ABCC4: variants seen among roughly 807,000 people sequenced by gnomAD.
ABCC4 encodes the protein ATP-binding cassette sub-family C member 4.
A neutral mutation model predicts 168.5 loss-of-function variants in ABCC4; 102 were observed. The ratio of observed to expected loss-of-function variants is 0.61; its 90% confidence interval spans 0.52 to 0.71. The LOEUF (loss-of-function observed/expected upper bound fraction) is 0.71, where lower values mean the gene tolerates loss of function less well. Among genes scored for constraint, ABCC4 ranks in the 30% least tolerant of loss-of-function variants. The probability of loss-of-function intolerance (pLI) is 0.00; values close to 1 mark genes in which losing one functional copy is unlikely to be tolerated. For synonymous variants in ABCC4, 617 were observed against 590.7 expected, an observed-to-expected ratio of 1.04 and a Z score of -0.65; for missense variants, 1,402 against 1,605.8, an observed-to-expected ratio of 0.87 and a Z score of 2.17.
intron 26 of ABCC4, among the ~76,000 whole-genome samples, chr13:95,061,661 TAG>T (rs1233461408): frequency 2.7e-5 from 3 of 112,116 alleles, no homozygotes; most frequent in East Asian, 2.7e-4. Flanking sequence ...TCAATGACTA[TAG>T]AGTGTTAAAA....
At chr13:95,077,855 G>C (rs1480176910) in intron 21 of ABCC4, among the ~76,000 whole-genome samples, 1 of 152,160 alleles carries the variant, frequency 6.6e-6, no homozygotes, top group Admixed American at 6.5e-5. Flanking sequence ...TGGGGGTGCT[G>C]GGGTACCAGT....
chr13:95,301,015 C>G (rs1434778850), intron 1 of ABCC4, among the ~76,000 whole-genome samples: 2 of 152,078 alleles, frequency 1.3e-5, no homozygotes, highest in East Asian at 3.9e-4. Context: ...CCCGCGTCCC[C>G]GCGTCCCCCT....
chr13:95,106,108 C>A (rs965282557), intron 20 of ABCC4, among the ~76,000 whole-genome samples: 1 of 152,086 alleles, frequency 6.6e-6, no homozygotes, highest in Admixed American at 6.6e-5. Flanking sequence ...TGCTCAAAGA[C>A]CTTAGAGGGG....
chr13:95,165,837 C>T (rs2037253493), intron 15 of ABCC4, among the ~76,000 whole-genome samples: 1 of 152,082 alleles, frequency 6.6e-6, no homozygotes, highest in Admixed American at 6.5e-5. Flanking sequence ...TCGGGGGCCA[C>T]CAGACTAAGT....
At chr13:95,190,144 A>G (rs915270422) in intron 9 of ABCC4, among the ~76,000 whole-genome samples, 6 of 152,134 alleles carry the variant, frequency 3.9e-5, no homozygotes, top group African/African-American at 1.4e-4. Context: ...TAGGAGTTCA[A>G]GACAAGCTGG....
In ABCC4 at chr13:95,209,576, G is replaced by T; in HGVS notation, c.643C>A (p.Leu215Met). 6.2e-7 allele frequency: 1 copy of T among 1,613,312 alleles called. No homozygotes were observed. Among genetic ancestry groups the T allele is most frequent in the South Asian group, 1.1e-5 (1 of 90,882 alleles). ...FDQVTVFLHF[L>M]WAGPLQAIAV... is the part of the protein sequence containing the mutation. ...ATCGCCTGCAGTGGTCCTGCCCACA[G>T]GAAGTGTAAGAACACTGTCACCTTT... The change falls in exon 6 of 31, where the codon CTG (leucine) becomes ATG (methionine). Residue 215 changes from leucine (L) to methionine (M), a missense_variant. This residue lies in a region of ABCC4 where 317 missense variants were observed against 345.5 expected (regional missense o/e 0.92). Coordinates refer to ENST00000645237, the MANE Select transcript of ABCC4 (RefSeq NM_005845.5).
At chr13:95,164,306 G>A in intron 16 of ABCC4, 72 bp downstream of exon 16, 3 of 1,553,186 alleles carry the variant, frequency 1.9e-6, no homozygotes, top group Non-Finnish European at 2.6e-6. Flanking sequence ...ACTGCAAGAT[G>A]CAGTCATAAT....
chr13:95,223,652 C>T (rs1008941618), intron 4 of ABCC4, among the ~76,000 whole-genome samples: 2 of 152,164 alleles, frequency 1.3e-5, no homozygotes, highest in South Asian at 4.1e-4. Context: ...CAGGCGTCCG[C>T]CACCACACCC....
At chr13:95,244,605 G>GA in intron 3 of ABCC4, among the ~76,000 whole-genome samples, 1 of 33,062 alleles carries the variant, frequency 3.0e-5, no homozygotes, top group South Asian at 9.9e-4. Context: ...ATGAAAGAAA[G>GA]AAAGAAAGAA....
At chr13:95,110,135 C>T (rs1485545547) in intron 20 of ABCC4, among the ~76,000 whole-genome samples, 1 of 151,870 alleles carries the variant, frequency 6.6e-6, no homozygotes, top group African/African-American at 2.4e-5. Flanking sequence ...ATCGTGAAAC[C>T]CCATCTCTAC....
At chr13:95,254,966 C>G (rs2040357433) in intron 1 of ABCC4, among the ~76,000 whole-genome samples, 1 of 152,148 alleles carries the variant, frequency 6.6e-6, no homozygotes, top group Non-Finnish European at 1.5e-5. Flanking sequence ...TAAAAATTAC[C>G]TATTTTAACA....
intron 30 of ABCC4, among the ~76,000 whole-genome samples, chr13:95,029,988 T>TATCCATCCATCCATCCATCC (rs71207571): frequency 2.7e-4 from 39 of 146,440 alleles, no homozygotes; most frequent in African/African-American, 3.8e-4. Flanking sequence ...CTTGTCTATC[T>TATCCATCCATCCATCCATCC]ATCCATCCAT....
At chr13:95,103,379 C>G (rs548694366) in intron 20 of ABCC4, among the ~76,000 whole-genome samples, 2 of 152,230 alleles carry the variant, frequency 1.3e-5, no homozygotes, top group Non-Finnish European at 2.9e-5. Context: ...TCACCCTAAA[C>G]AGACCACATA....
intron 3 of ABCC4, among the ~76,000 whole-genome samples, chr13:95,241,787 C>T (rs17235124): frequency 0.018 from 2,666 of 152,226 alleles, 66 homozygotes; most frequent in East Asian, 0.089. Context: ...AAAGACTCCC[C>T]GCAAACTGGT....
At chr13:95,196,880 C>T (rs1289716991) in intron 8 of ABCC4, among the ~76,000 whole-genome samples, 1 of 152,198 alleles carries the variant, frequency 6.6e-6, no homozygotes, top group Non-Finnish European at 1.5e-5. Context: ...CGTTCCCAAA[C>T]ACCACTCCCT....
intron 29 of ABCC4, among the ~76,000 whole-genome samples, chr13:95,040,428 T>C (rs911525815): frequency 6.6e-5 from 10 of 152,074 alleles, no homozygotes; most frequent in Admixed American, 1.3e-4. Context: ...GAGACAGGGT[T>C]TCACCATGTT....
At chr13:95,177,273 T>C (rs542547641) in intron 13 of ABCC4, among the ~76,000 whole-genome samples, 1 of 152,302 alleles carries the variant, frequency 6.6e-6, no homozygotes, top group South Asian at 2.1e-4. Flanking sequence ...ACGTCACTTC[T>C]AACCTGTCAT....
chr13:95,271,150 C>G (rs1044973553), intron 1 of ABCC4, among the ~76,000 whole-genome samples: 1 of 152,146 alleles, frequency 6.6e-6, no homozygotes, highest in African/African-American at 2.4e-5. Flanking sequence ...CAAGACGACC[C>G]AAGAAATAGC....
intron 19 of ABCC4, among the ~76,000 whole-genome samples, chr13:95,153,538 C>T (rs1367898694): frequency 1.3e-5 from 2 of 152,108 alleles, no homozygotes; most frequent in Non-Finnish European, 2.9e-5. Context: ...TATAGGAAAA[C>T]AATTTAACAC....
Sources: gnomAD v4.1 joint callset for allele counts (sites outside exome capture counted in the v4.1 genomes callset) on GRCh38, gnomAD v4.1.1 for gene constraint, gnomAD v4.1.1 regional missense constraint, MANE v1.5 for transcripts, NCBI Gene and HGNC (gene_info 2026-07-23, HGNC 2026-07-21) for gene names.